The following ARB2A variants were observed in gnomAD, a reference collection of about 807,000 sequenced individuals.
ARB2A encodes the protein ARB2 cotranscriptional regulator A.
chr5:93,830,284 T>C, the ARB2A span, among the ~76,000 whole-genome samples: 1 of 135,964 alleles, frequency 7.4e-6, no homozygotes, highest in African/African-American at 2.7e-5. Context: ...TGTATATATA[T>C]TTATATGTAT....
the ARB2A span, among the ~76,000 whole-genome samples, chr5:93,635,445 C>G: frequency 6.8e-6 from 1 of 146,018 alleles, no homozygotes; most frequent in South Asian, 2.1e-4. Flanking sequence ...ATTTTCTATA[C>G]AGTTTATACG....
At chr5:93,827,780 G>A in the ARB2A span, among the ~76,000 whole-genome samples, 1 of 151,806 alleles carries the variant, frequency 6.6e-6, no homozygotes, top group East Asian at 1.9e-4. Context: ...TGTATAAGGT[G>A]TAAGGAAGGG....
At chr5:93,757,436 C>T in the ARB2A span, among the ~76,000 whole-genome samples, 1 of 152,184 alleles carries the variant, frequency 6.6e-6, no homozygotes, top group East Asian at 1.9e-4. Flanking sequence ...CTCAGGTTAT[C>T]CAAAGTTAAG....
At chr5:94,078,812 G>C in the ARB2A span, among the ~76,000 whole-genome samples, 1 of 151,914 alleles carries the variant, frequency 6.6e-6, no homozygotes, top group South Asian at 2.1e-4. Context: ...AAGTGACCTT[G>C]AGAAAGTTAC....
chr5:93,784,174 A>G, the ARB2A span: 1 of 479,340 alleles, frequency 2.1e-6, no homozygotes, highest in South Asian at 2.9e-5. Context: ...TAGAAAACCA[A>G]AAAGAAGGGA....
At chr5:93,777,723 G>T in the ARB2A span, among the ~76,000 whole-genome samples, 1 of 152,148 alleles carries the variant, frequency 6.6e-6, no homozygotes, top group African/African-American at 2.4e-5. Context: ...CCTCACTGTG[G>T]AAAGATCCTT....
At chr5:93,671,502 T>C in the ARB2A span, among the ~76,000 whole-genome samples, 107 of 152,232 alleles carry the variant, frequency 7.0e-4, no homozygotes, top group Middle Eastern at 6.9e-3. Context: ...AACCCTTAGG[T>C]ATATTGAAAT....
At chr5:93,686,806 AC>A in the ARB2A span, among the ~76,000 whole-genome samples, 7 of 152,190 alleles carry the variant, frequency 4.6e-5, no homozygotes, top group Non-Finnish European at 8.8e-5. Context: ...CAGCCATTGT[AC>A]TACGTAATTC....
At chr5:93,632,371 G>A in the ARB2A span, among the ~76,000 whole-genome samples, 4 of 152,166 alleles carry the variant, frequency 2.6e-5, no homozygotes, top group African/African-American at 9.7e-5. Context: ...ACAAGTGCCG[G>A]GGCTCTAAGG....
the ARB2A span, among the ~76,000 whole-genome samples, chr5:94,012,311 A>T: frequency 1.3e-5 from 2 of 152,218 alleles, no homozygotes; most frequent in Non-Finnish European, 2.9e-5. Context: ...CTGAGGCAGG[A>T]GAATGGCGTG....
the ARB2A span, among the ~76,000 whole-genome samples, chr5:94,041,401 G>A: frequency 6.6e-6 from 1 of 152,076 alleles, no homozygotes; most frequent in East Asian, 1.9e-4. Context: ...CACAATGGCA[G>A]CCCAGGTTTA....
chr5:94,086,268 C>G, the ARB2A span, among the ~76,000 whole-genome samples: 1 of 152,044 alleles, frequency 6.6e-6, no homozygotes, highest in African/African-American at 2.4e-5. Flanking sequence ...AAAATATTAA[C>G]AAAAGAAATA....
At chr5:93,932,057 G>T in the ARB2A span, among the ~76,000 whole-genome samples, 1 of 152,062 alleles carries the variant, frequency 6.6e-6, no homozygotes, top group Non-Finnish European at 1.5e-5. Flanking sequence ...ACAATAATTA[G>T]ATTATAATTA....
chr5:93,825,856 T>C, the ARB2A span, among the ~76,000 whole-genome samples: 5 of 151,410 alleles, frequency 3.3e-5, no homozygotes, highest in Non-Finnish European at 5.9e-5. Flanking sequence ...TTATTTTATT[T>C]ATAAGATTTT....
chr5:93,838,297 T>C, the ARB2A span, among the ~76,000 whole-genome samples: 3 of 152,184 alleles, frequency 2.0e-5, no homozygotes, highest in Non-Finnish European at 4.4e-5. Context: ...TTGTAGAAGA[T>C]CAGACAGTTG....
the ARB2A span, among the ~76,000 whole-genome samples, chr5:93,764,502 G>T: frequency 2.2e-4 from 34 of 152,300 alleles, 1 homozygote; most frequent in South Asian, 6.4e-3. Flanking sequence ...AAACCAGGAA[G>T]AAGTTGAATC....
At chr5:93,982,850 T>A in the ARB2A span, among the ~76,000 whole-genome samples, 5 of 152,160 alleles carry the variant, frequency 3.3e-5, no homozygotes, top group Non-Finnish European at 7.4e-5. Context: ...AGTTCAGGAA[T>A]TCAAGACCAG....
chr5:93,775,925 T>C, the ARB2A span, among the ~76,000 whole-genome samples: 17 of 152,214 alleles, frequency 1.1e-4, no homozygotes, highest in Non-Finnish European at 1.5e-5. Context: ...CAGTTGTCTA[T>C]ACTACTCTTG....
At chr5:93,775,399 G>A in the ARB2A span, among the ~76,000 whole-genome samples, 39 of 152,138 alleles carry the variant, frequency 2.6e-4, no homozygotes, top group Non-Finnish European at 4.4e-4. Context: ...CAGTTATAAC[G>A]AGATGCCACT....
Sources: allele counts gnomAD v4.1 joint callset (sites outside exome capture counted in the v4.1 genomes callset), GRCh38; gene constraint gnomAD v4.1.1; transcripts MANE v1.5; gene names NCBI Gene and HGNC (gene_info 2026-07-23, HGNC 2026-07-21).